The following IQCJ variants were observed in gnomAD, a reference collection of about 807,000 sequenced individuals.
IQCJ encodes the protein IQ motif containing J.
Under a neutral mutation model 11.0 loss-of-function variants are expected in IQCJ, and 9 were observed. The observed-to-expected ratio is 0.82, with a 90% confidence interval of 0.49 to 1.43. The LOEUF is 1.43. IQCJ is among the 40% of genes most tolerant of loss of function. The probability of loss-of-function intolerance (pLI) is 0.00; values close to 1 mark genes in which losing one functional copy is unlikely to be tolerated. For missense variants in IQCJ, 146 were observed against 133.2 expected, an observed-to-expected ratio of 1.10 and a Z score of -0.47; for synonymous variants, 55 against 51.3, an observed-to-expected ratio of 1.07 and a Z score of -0.31.
At chr3:159,109,286 G>A (rs73877504) in intron 1 of IQCJ, among the ~76,000 whole-genome samples, 3,165 of 152,174 alleles carry the variant, frequency 0.021, 111 homozygotes, top group African/African-American at 0.072. Context: ...ATTTGAATAT[G>A]TAAATCCACC....
chr3:159,254,651 G>C (rs564459949), intron 3 of IQCJ, among the ~76,000 whole-genome samples: 53 of 152,184 alleles, frequency 3.5e-4, no homozygotes, highest in Non-Finnish European at 6.6e-4. Context: ...CTTTTCTACA[G>C]CTGAGTATTC....
chr3:159,152,939 CAG>C (rs140509303), intron 1 of IQCJ, among the ~76,000 whole-genome samples: 7,185 of 152,140 alleles, frequency 0.047, 596 homozygotes, highest in African/African-American at 0.17. Flanking sequence ...GGAGAGCTGT[CAG>C]GGCCATTTTG....
intron 1 of IQCJ, among the ~76,000 whole-genome samples, chr3:159,165,788 ATTTTTTTTTTTTTTTT>A (rs35878681): frequency 9.4e-6 from 1 of 106,522 alleles, no homozygotes; most frequent in African/African-American, 3.6e-5. Context: ...TAATTTTTGT[ATTTTTTTTTTTTTTTT>A]TTTTTTAGTA....
At chr3:159,204,711 C>T (rs1451872250) in intron 1 of IQCJ, among the ~76,000 whole-genome samples, 1 of 152,142 alleles carries the variant, frequency 6.6e-6, no homozygotes, top group Non-Finnish European at 1.5e-5. Flanking sequence ...TTCAATCTGC[C>T]ATAATGATGG....
intron 1 of IQCJ, among the ~76,000 whole-genome samples, chr3:159,171,170 G>A (rs1287345353): frequency 6.6e-6 from 1 of 151,398 alleles, no homozygotes; most frequent in East Asian, 1.9e-4. Flanking sequence ...AACCAGCAAC[G>A]AGGTACTATT....
intron 1 of IQCJ, among the ~76,000 whole-genome samples, chr3:159,112,531 A>G (rs1182020054): frequency 2.0e-5 from 3 of 152,186 alleles, no homozygotes; most frequent in African/African-American, 2.4e-5. Context: ...AAGAACCTTA[A>G]TATCTCTGAC....
At chr3:159,210,813 G>T (rs1381391973) in intron 1 of IQCJ, among the ~76,000 whole-genome samples, 1 of 152,066 alleles carries the variant, frequency 6.6e-6, no homozygotes, top group Non-Finnish European at 1.5e-5. Context: ...TGGATTACAG[G>T]CATGTGCCAC....
intron 1 of IQCJ, among the ~76,000 whole-genome samples, chr3:159,235,469 C>T (rs1407971539): frequency 6.6e-6 from 1 of 152,108 alleles, no homozygotes; most frequent in Admixed American, 6.6e-5. Flanking sequence ...AATATTTAAG[C>T]CTGAAGGGTA....
At chr3:159,175,313 C>T (rs1277996698) in intron 1 of IQCJ, among the ~76,000 whole-genome samples, 1 of 151,870 alleles carries the variant, frequency 6.6e-6, no homozygotes, top group Non-Finnish European at 1.5e-5. Flanking sequence ...TCAACAAAAG[C>T]AAAAGAAATT....
At chr3:159,165,925 G>A (rs929021525) in intron 1 of IQCJ, among the ~76,000 whole-genome samples, 1 of 151,724 alleles carries the variant, frequency 6.6e-6, no homozygotes, top group African/African-American at 2.4e-5. Context: ...ACCGCGCCCG[G>A]CCAAAGCATC....
At chr3:159,124,170 T>C (rs1719539834) in intron 1 of IQCJ, among the ~76,000 whole-genome samples, 1 of 152,186 alleles carries the variant, frequency 6.6e-6, no homozygotes, top group African/African-American at 2.4e-5. Context: ...CTAGGTGCTC[T>C]GGACTCCTTC....
rs556120013 is a variant in IQCJ at position 159,172,100 on chromosome 3, A to G, written c.10-73743A>G. ...TGATCTAGTAATTCTGCTTTGGGGA[A>G]TCTATCTGAAGAAAATAGATACGGA... On this transcript the variant is annotated intron_variant, in intron 1 of 3. Transcript: ENST00000397832. Among the ~76,000 whole-genome samples, 3 of 152,310 alleles carry G rather than the reference A, an allele frequency of 2.0e-5. No homozygotes were observed. In the South Asian group the frequency reaches 6.2e-4, roughly 32 times the overall value.
At chr3:159,248,438 A>G (rs1727400054) in intron 2 of IQCJ, among the ~76,000 whole-genome samples, 1 of 152,160 alleles carries the variant, frequency 6.6e-6, no homozygotes, top group African/African-American at 2.4e-5. Context: ...CTCCACCACC[A>G]CCGTCAATAG....
At chr3:159,140,356 C>A (rs1484703165) in intron 1 of IQCJ, among the ~76,000 whole-genome samples, 1 of 152,134 alleles carries the variant, frequency 6.6e-6, no homozygotes, top group South Asian at 2.1e-4. Context: ...GCCCCAGTAA[C>A]CCCTGGAGAA....
chr3:159,262,218 G>T (rs1728253249), intron 3 of IQCJ, among the ~76,000 whole-genome samples: 1 of 152,218 alleles, frequency 6.6e-6, no homozygotes, highest in African/African-American at 2.4e-5. Context: ...AAAATTGAAA[G>T]AATTTGTTGT....
At chr3:159,248,586 A>G (rs1727408193) in intron 2 of IQCJ, among the ~76,000 whole-genome samples, 1 of 152,094 alleles carries the variant, frequency 6.6e-6, no homozygotes, top group African/African-American at 2.4e-5. Context: ...TCAGCTGGGG[A>G]GCTTAATAAA....
At chr3:159,242,803 A>G (rs901560376) in intron 1 of IQCJ, among the ~76,000 whole-genome samples, 11 of 152,114 alleles carry the variant, frequency 7.2e-5, no homozygotes, top group Admixed American at 2.0e-4. Flanking sequence ...AGAAAATACT[A>G]AATAACAAAA....
chr3:159,078,405 TACTC>T (rs761316958), intron 1 of IQCJ, among the ~76,000 whole-genome samples: 1 of 152,250 alleles, frequency 6.6e-6, no homozygotes, highest in Non-Finnish European at 1.5e-5. Context: ...TCTTATTTGA[TACTC>T]ACAAACAAGG....
chr3:159,139,043 C>T (rs985330872), intron 1 of IQCJ, among the ~76,000 whole-genome samples: 1 of 152,134 alleles, frequency 6.6e-6, no homozygotes, highest in Admixed American at 6.5e-5. Flanking sequence ...GAGTTTATTT[C>T]CTAAAGAAGC....
Sources: allele counts gnomAD v4.1 joint callset (sites outside exome capture counted in the v4.1 genomes callset), GRCh38; gene constraint gnomAD v4.1.1; transcripts MANE v1.5; gene names NCBI Gene and HGNC (gene_info 2026-07-23, HGNC 2026-07-21).